The following GPC5 variants were observed in gnomAD, a reference collection of about 807,000 sequenced individuals.
GPC5 encodes glypican 5.
GPC5 carries 47 observed loss-of-function variants against 53.9 expected under a neutral mutation model. The ratio of observed to expected loss-of-function variants is 0.87; its 90% CI spans 0.69 to 1.11. GPC5 has a LOEUF of 1.11. Among genes scored for constraint, GPC5 ranks in the 50% most tolerant of loss-of-function variants. GPC5 has a pLI of 0.00. For synonymous variants in GPC5, 286 were observed against 263.3 expected (o/e 1.09, Z -0.84); for missense variants, 748 against 713.1 (o/e 1.05, Z -0.56).
chr13:92,345,658 T>G (rs1190129934), intron 7 of GPC5, among the ~76,000 whole-genome samples: 1 of 152,172 alleles, frequency 6.6e-6, no homozygotes, highest in Non-Finnish European at 1.5e-5. Flanking sequence ...CTTCATCCCC[T>G]CTGAAGTCAG....
chr13:92,820,530 A>G (rs1877638526), intron 7 of GPC5, among the ~76,000 whole-genome samples: 1 of 152,146 alleles, frequency 6.6e-6, no homozygotes, highest in South Asian at 2.1e-4. Context: ...GTTGTCTGCC[A>G]TTAATCTTAG....
chr13:91,613,354 G>T (rs976133720), intron 2 of GPC5, among the ~76,000 whole-genome samples: 1 of 152,098 alleles, frequency 6.6e-6, no homozygotes, highest in Non-Finnish European at 1.5e-5. Flanking sequence ...TTATAAAACC[G>T]TCAGATTTAA....
intron 5 of GPC5, among the ~76,000 whole-genome samples, chr13:91,778,027 G>C (rs2037738829): frequency 1.3e-5 from 2 of 152,016 alleles, no homozygotes; most frequent in South Asian, 4.1e-4. Flanking sequence ...ACTTGTCTAA[G>C]TGCTCTTCAA....
intron 7 of GPC5, among the ~76,000 whole-genome samples, chr13:92,463,706 C>T (rs1331249759): frequency 1.3e-5 from 2 of 152,080 alleles, no homozygotes; most frequent in Non-Finnish European, 2.9e-5. Context: ...ACTTTATTTA[C>T]ATTTTTCTTC....
chr13:92,075,616 C>T (rs1302680362), intron 6 of GPC5, among the ~76,000 whole-genome samples: 1 of 152,030 alleles, frequency 6.6e-6, no homozygotes. Flanking sequence ...ATTTTTAATA[C>T]ATAAGAGATT....
At chr13:91,413,533 A>T (rs1877966966) in intron 1 of GPC5, among the ~76,000 whole-genome samples, 1 of 152,234 alleles carries the variant, frequency 6.6e-6, no homozygotes, top group Admixed American at 6.5e-5. Flanking sequence ...AAGATATTTA[A>T]AAATTAAATC....
chr13:91,876,132 G>A (rs1311726858), intron 5 of GPC5, among the ~76,000 whole-genome samples: 1 of 152,104 alleles, frequency 6.6e-6, no homozygotes, highest in African/African-American at 2.4e-5. Flanking sequence ...CTGTGATTCT[G>A]AGGCCTCCCC....
chr13:92,205,784 C>T (rs1297775947), intron 7 of GPC5, among the ~76,000 whole-genome samples: 1 of 152,130 alleles, frequency 6.6e-6, no homozygotes, highest in South Asian at 2.1e-4. Flanking sequence ...CGGTGGCTCA[C>T]GCCTGTAATC....
chr13:91,948,991 A>G (rs1362946465), intron 6 of GPC5, among the ~76,000 whole-genome samples: 6 of 152,162 alleles, frequency 3.9e-5, no homozygotes, highest in African/African-American at 1.4e-4. Context: ...AAGAAAGTGC[A>G]CCAGATGGTA....
At chr13:92,138,739 A>T (rs2041805860) in intron 6 of GPC5, among the ~76,000 whole-genome samples, 1 of 152,038 alleles carries the variant, frequency 6.6e-6, no homozygotes. Context: ...TGAAATAATA[A>T]CACTTGCCCC....
chr13:91,563,879 G>C (rs536817275), intron 2 of GPC5, among the ~76,000 whole-genome samples: 1 of 151,884 alleles, frequency 6.6e-6, no homozygotes, highest in Non-Finnish European at 1.5e-5. Flanking sequence ...GCCTCCTCCC[G>C]GAGGACCGGG....
chr13:91,669,950 C>T (rs2035205778), intron 2 of GPC5, among the ~76,000 whole-genome samples: 1 of 152,144 alleles, frequency 6.6e-6, no homozygotes, highest in South Asian at 2.1e-4. Flanking sequence ...TCATCCTAAG[C>T]CTGGCTTGCT....
At chr13:92,437,515 C>CA (rs1877358543) in intron 7 of GPC5, among the ~76,000 whole-genome samples, 1 of 151,996 alleles carries the variant, frequency 6.6e-6, no homozygotes, top group Non-Finnish European at 1.5e-5. Context: ...AGTTGTACAT[C>CA]AAAAAATAGA....
rs1555332655 is a variant in GPC5 at position 92,395,907 on chromosome 13, G to GGA, written c.1561+250918_1561+250919insGA. 2.3e-5 allele frequency among the ~76,000 whole-genome samples: 3 copies of GGA among 130,664 alleles called. No homozygotes were observed. The East Asian group carries it at 6.8e-4, about 30-fold the overall frequency. The allele number at this position is 130,664 out of a possible 152,430, so 85.7% of individuals were successfully genotyped here. ...ATCATATGTGTAGGTGTTTGTTTCT[G>GGA]TTTTTTTTTTTTTTGTATTTTTCTT... is the stretch of plus-strand genomic sequence containing the variant. On this transcript the variant is annotated intron_variant, in intron 7 of 7. Coordinates refer to ENST00000377067, the MANE Select transcript of GPC5 (RefSeq NM_004466.6).
At chr13:91,806,324 C>G (rs1167355122) in intron 5 of GPC5, among the ~76,000 whole-genome samples, 2 of 151,824 alleles carry the variant, frequency 1.3e-5, no homozygotes, top group Admixed American at 1.3e-4. Flanking sequence ...CATGAGCCAC[C>G]GCACCTGGCC....
chr13:91,432,475 A>G (rs1879570656), intron 1 of GPC5, among the ~76,000 whole-genome samples: 1 of 152,182 alleles, frequency 6.6e-6, no homozygotes, highest in African/African-American at 2.4e-5. Context: ...CCATTGCTGG[A>G]AAAACTGTAC....
chr13:92,166,876 G>T lies in GPC5; in HGVS notation c.1561+21887G>T, dbSNP rs184345452. 5.5e-4 allele frequency among the ~76,000 whole-genome samples: 83 copies of T among 150,686 alleles called. No homozygotes were observed. In the East Asian group the frequency reaches 0.016, roughly 30 times the overall value. ...GAAATAATAGCTTTGGTTCTGTTGG[G>T]AATATTGCAGTCTGATCTGTATCCA... On this transcript the variant is annotated intron_variant, in intron 7 of 7. Coordinates refer to ENST00000377067, the MANE Select transcript of GPC5 (RefSeq NM_004466.6).
intron 6 of GPC5, among the ~76,000 whole-genome samples, chr13:92,004,843 A>G (rs1404816198): frequency 6.6e-6 from 1 of 152,082 alleles, no homozygotes. Flanking sequence ...CTAACATGAG[A>G]ACATTGTAGG....
At position 92,294,829 on chromosome 13, in the gene GPC5, T is replaced by C. The variant is rs367703933; in HGVS notation, c.1561+149840T>C. 5.8e-3 allele frequency among the ~76,000 whole-genome samples: 347 copies of C among 60,230 alleles called. 2 individuals carry two copies. Among genetic ancestry groups the C allele is most frequent in the African/African-American group, 0.036 (328 of 9,150 alleles). The allele number at this position is 60,230 out of a possible 152,430, so 39.5% of individuals were successfully genotyped here. A position where few individuals can be genotyped will look rare whatever the true frequency, so the allele number is the denominator to read the frequency against. ...TGTTTCTTTCTTTTTTTTTTTTCTT[T>C]TTTTTTTTTTTTTTTCCGAGATGGA... On this transcript the variant is annotated intron_variant, in intron 7 of 7. Transcript: ENST00000377067.
Sources: gnomAD v4.1 joint callset for allele counts (sites outside exome capture counted in the v4.1 genomes callset) on GRCh38, gnomAD v4.1.1 for gene constraint, MANE v1.5 for transcripts, NCBI Gene and HGNC (gene_info 2026-07-23, HGNC 2026-07-21) for gene names.